Variants in ADAMTSL3 observed in about 807,000 individuals in gnomAD.
The protein encoded by ADAMTSL3 is ADAMTS like 3.
Under a neutral mutation model 201.7 loss-of-function variants are expected in ADAMTSL3, and 128 were observed. That is an observed-to-expected ratio of 0.63 (90% CI 0.55 to 0.73). The LOEUF is 0.73. Ranked by LOEUF, ADAMTSL3 falls within the 30% of genes least tolerant of loss-of-function variation. The pLI is 0.00. For missense variants in ADAMTSL3, 1,990 were observed against 2,119.6 expected (o/e 0.94, Z 1.20); for synonymous variants, 738 against 748.4 (o/e 0.99, Z 0.23).
chr15:83,783,027 ATATT>A (rs1426738196), intron 4 of ADAMTSL3, among the ~76,000 whole-genome samples: 1 of 147,916 alleles, frequency 6.8e-6, no homozygotes, highest in Non-Finnish European at 1.5e-5. Flanking sequence ...ATATACGTAT[ATATT>A]ATATATATAT....
At chr15:84,029,287 G>C (rs1328484747) in intron 27 of ADAMTSL3, among the ~76,000 whole-genome samples, 1 of 152,162 alleles carries the variant, frequency 6.6e-6, no homozygotes, top group Non-Finnish European at 1.5e-5. Flanking sequence ...GCTGATAGTG[G>C]TGTGGACAAT....
At chr15:83,859,521 T>G (rs1010009510) in intron 8 of ADAMTSL3, among the ~76,000 whole-genome samples, 9 of 152,236 alleles carry the variant, frequency 5.9e-5, no homozygotes, top group African/African-American at 2.2e-4. Flanking sequence ...TCAGTTTCTA[T>G]AGGGAACCAT....
At chr15:83,783,640 A>G (rs1358744075) in intron 4 of ADAMTSL3, among the ~76,000 whole-genome samples, 2 of 152,196 alleles carry the variant, frequency 1.3e-5, no homozygotes, top group African/African-American at 4.8e-5. Context: ...AAGAAGCATT[A>G]GCAGAAATAG....
chr15:83,678,202 T>A (rs1021092174), intron 2 of ADAMTSL3, among the ~76,000 whole-genome samples: 1 of 152,160 alleles, frequency 6.6e-6, no homozygotes, highest in Non-Finnish European at 1.5e-5. Context: ...AAGGATATTC[T>A]ATTATCTTCA....
At chr15:83,835,924 C>T (rs554927794) in intron 6 of ADAMTSL3, among the ~76,000 whole-genome samples, 11 of 152,306 alleles carry the variant, frequency 7.2e-5, no homozygotes, top group Admixed American at 4.6e-4. Context: ...ACACTATATA[C>T]TAGCTGTGTA....
chr15:83,899,791 A>G (rs2080346630), intron 15 of ADAMTSL3, 60 bp downstream of exon 15: 1 of 1,568,580 alleles, frequency 6.4e-7, no homozygotes, highest in South Asian at 1.2e-5. Flanking sequence ...TGATATATGT[A>G]ATTTTTGTAC....
chr15:83,823,298 G>A (rs1292161918), intron 6 of ADAMTSL3, among the ~76,000 whole-genome samples: 2 of 151,992 alleles, frequency 1.3e-5, no homozygotes, highest in African/African-American at 4.8e-5. Context: ...ACCCTATTCT[G>A]CTCATAACAA....
chr15:83,800,250 G>C (rs1299490939), intron 4 of ADAMTSL3, among the ~76,000 whole-genome samples: 1 of 152,278 alleles, frequency 6.6e-6, no homozygotes, highest in South Asian at 2.1e-4. Flanking sequence ...GTCCAAAATG[G>C]TGCATTATGT....
intron 2 of ADAMTSL3, among the ~76,000 whole-genome samples, chr15:83,695,150 ATG>A (rs930022348): frequency 2.4e-4 from 10 of 41,584 alleles, no homozygotes; most frequent in Admixed American, 1.0e-3. Context: ...TGGTGTAGGT[ATG>A]TGTGTGTGTA....
rs79476846 is a variant in ADAMTSL3, at chr15:83,671,344, G to A, written c.69+15514G>A. 9.0e-3 allele frequency among the ~76,000 whole-genome samples: 1,365 copies of A among 152,262 alleles called. 14 individuals are homozygous for A. The highest frequency in any genetic ancestry group is 0.014 in the Non-Finnish European group (963 of 68,010). ...CGTCCTCTTTACTTTTTATACAATT[G>A]TTGGTGTGTTCGGGATTTCTCCAGA... On this transcript the variant is annotated intron_variant, in intron 2 of 29. Transcript: ENST00000286744.
intron 20 of ADAMTSL3, among the ~76,000 whole-genome samples, chr15:83,978,341 C>T (rs1193708551): frequency 6.6e-6 from 1 of 152,184 alleles, no homozygotes; most frequent in Non-Finnish European, 1.5e-5. Context: ...CAGAAGAAAG[C>T]TCATTTCATT....
chr15:83,702,471 G>T (rs1011395046), intron 2 of ADAMTSL3, among the ~76,000 whole-genome samples: 1 of 152,166 alleles, frequency 6.6e-6, no homozygotes, highest in African/African-American at 2.4e-5. Flanking sequence ...GGAGGCCCAA[G>T]AGGAAAAAGT....
At position 83,878,391 on chromosome 15, in the gene ADAMTSL3, G is replaced by A. The variant is rs181549776; in HGVS notation, c.961-6710G>A. Among the ~76,000 whole-genome samples the A allele has an allele frequency of 1.1e-4, 16 of 152,230 alleles. No homozygotes were observed. The East Asian group carries it at 2.7e-3, about 26-fold the overall frequency. ...AACATTTTTGGAGGCCAAGGCAGGCGGATCACGAGGTCAGGAGATTGAGAC... is the reference window on the plus strand; with the variant it reads ...AACATTTTTGGAGGCCAAGGCAGGCAGATCACGAGGTCAGGAGATTGAGAC... On this transcript the variant is annotated intron_variant, in intron 9 of 29. Transcript: ENST00000286744.
At chr15:83,712,130 G>A (rs2061941829) in intron 3 of ADAMTSL3, among the ~76,000 whole-genome samples, 1 of 152,200 alleles carries the variant, frequency 6.6e-6, no homozygotes, top group African/African-American at 2.4e-5. Flanking sequence ...AGGTTGTTTT[G>A]AGCAACTCAG....
At chr15:83,670,258 C>CAAAAAAAAAAAAAAAAAA (rs60947988) in intron 2 of ADAMTSL3, among the ~76,000 whole-genome samples, 9 of 64,512 alleles carry the variant, frequency 1.4e-4, no homozygotes, top group Admixed American at 2.3e-4. Context: ...ACTCTGTCTC[C>CAAAAAAAAAAAAAAAAAA]AAAAAAAAAA....
chr15:83,721,892 C>T (rs1023072030), intron 3 of ADAMTSL3, among the ~76,000 whole-genome samples: 5 of 152,042 alleles, frequency 3.3e-5, no homozygotes, highest in Non-Finnish European at 7.4e-5. Flanking sequence ...ACCACCATGC[C>T]CAGCTAATTT....
At chr15:83,866,615 G>A (rs577041496) in intron 8 of ADAMTSL3, among the ~76,000 whole-genome samples, 1 of 152,156 alleles carries the variant, frequency 6.6e-6, no homozygotes, top group South Asian at 2.1e-4. Flanking sequence ...GTTGTGGGGT[G>A]GGGGGAGTGG....
intron 6 of ADAMTSL3, among the ~76,000 whole-genome samples, chr15:83,828,713 T>C (rs1211884150): frequency 1.3e-5 from 2 of 152,212 alleles, no homozygotes; most frequent in Non-Finnish European, 2.9e-5. Context: ...CAATACCTAA[T>C]TTATTGAGAG....
chr15:83,672,061 C>T (rs1285419183), intron 2 of ADAMTSL3, among the ~76,000 whole-genome samples: 3 of 152,144 alleles, frequency 2.0e-5, no homozygotes, highest in Non-Finnish European at 2.9e-5. Flanking sequence ...TATACTCACT[C>T]GCATTTGATG....
Sources: allele counts gnomAD v4.1 joint callset (sites outside exome capture counted in the v4.1 genomes callset), GRCh38; gene constraint gnomAD v4.1.1; transcripts MANE v1.5; gene names NCBI Gene and HGNC (gene_info 2026-07-23, HGNC 2026-07-21).